The following MARK4 variants were observed in gnomAD, a reference collection of about 807,000 sequenced individuals.
MARK4 encodes microtubule affinity regulating kinase 4, also known as MAP/microtubule affinity-regulating kinase 4.
In MARK4, 19 loss-of-function variants were observed where a neutral mutation model predicts 81.5. That is an observed-to-expected ratio of 0.23 (90% CI 0.16 to 0.34). MARK4 has a LOEUF of 0.34. Ranked by LOEUF, MARK4 falls within the 10% of genes least tolerant of loss-of-function variation. The probability of loss-of-function intolerance (pLI) is 1.00; values close to 1 mark genes in which losing one functional copy is unlikely to be tolerated. For synonymous variants in MARK4, 436 were observed against 439.0 expected, an observed-to-expected ratio of 0.99 and a Z score of 0.08; for missense variants, 772 against 1,058.8, an observed-to-expected ratio of 0.73 and a Z score of 3.76.
chr19:45,257,614 C>T (rs1970324596), intron 1 of MARK4, among the ~76,000 whole-genome samples: 1 of 151,770 alleles, frequency 6.6e-6, no homozygotes, highest in Non-Finnish European at 1.5e-5. Context: ...ACACTCTGAC[C>T]TCAGGTGATC....
At chr19:45,278,301 G>A (rs1281507919) in intron 9 of MARK4, among the ~76,000 whole-genome samples, 2 of 152,124 alleles carry the variant, frequency 1.3e-5, no homozygotes, top group Non-Finnish European at 2.9e-5. Flanking sequence ...TGATTACAGG[G>A]TGCCAGGGAC....
chr19:45,261,634 A>G (rs945674825), intron 2 of MARK4, among the ~76,000 whole-genome samples: 1 of 152,180 alleles, frequency 6.6e-6, no homozygotes, highest in Non-Finnish European at 1.5e-5. Flanking sequence ...TTAAAAATAA[A>G]ATAAAAGTTT....
intron 13 of MARK4, among the ~76,000 whole-genome samples, chr19:45,289,760 ACT>A (rs1434128250): frequency 2.2e-4 from 33 of 149,276 alleles, no homozygotes; most frequent in South Asian, 4.2e-4. Flanking sequence ...ACAGAGCAAG[ACT>A]CTGTCTCAAA....
chr19:45,251,657 C>G lies in MARK4; in HGVS notation c.51+18C>G, dbSNP rs755800891. The G allele has an allele frequency of 1.8e-4, 271 of 1,521,120 alleles. No individual in the cohort carries two copies. Among genetic ancestry groups the G allele is most frequent in the Middle Eastern group, 1.4e-3 (8 of 5,910 alleles). 94.2% of individuals were successfully genotyped at this position (1,521,120 alleles called of 1,614,324 possible). A position where few individuals can be genotyped will look rare whatever the true frequency, so the allele number is the denominator to read the frequency against. Reference sequence around the variant, plus strand: ...CGGACACGGTGAGTGGGGCCCGGCCCCTTGGGGAGCCCTGGCTGGGTCCAG... The same window carrying G: ...CGGACACGGTGAGTGGGGCCCGGCCGCTTGGGGAGCCCTGGCTGGGTCCAG... On this transcript the variant is annotated intron_variant, in intron 1 of 16. Coordinates refer to ENST00000262891, the MANE Select transcript of MARK4 (RefSeq NM_001199867.2).
chr19:45,270,710 G>T (rs945002588), intron 7 of MARK4, among the ~76,000 whole-genome samples: 1 of 151,806 alleles, frequency 6.6e-6, no homozygotes, highest in Admixed American at 6.6e-5. Context: ...AGCAATTTTT[G>T]TGCCTCAGCC....
intron 6 of MARK4, among the ~76,000 whole-genome samples, chr19:45,265,835 G>A (rs1410070968): frequency 1.3e-5 from 2 of 151,798 alleles, no homozygotes; most frequent in South Asian, 2.1e-4. Flanking sequence ...CGGGCATGTC[G>A]GCTAGGAAGA....
chr19:45,294,274 C>CAGAGAAGGGAAGAG (rs1970856710), intron 13 of MARK4, 75 bp from the exon 14 acceptor site: 1 of 1,377,324 alleles, frequency 7.3e-7, no homozygotes, highest in Non-Finnish European at 1.0e-6. Flanking sequence ...ATGGGGAGGG[C>CAGAGAAGGGAAGAG]AGAGAAGGGA....
intron 1 of MARK4, among the ~76,000 whole-genome samples, chr19:45,251,945 G>T (rs1354941991): frequency 1.3e-5 from 2 of 150,970 alleles, no homozygotes; most frequent in South Asian, 4.2e-4. Flanking sequence ...CCCTTCTCTT[G>T]CCTGTGCTAA....
chr19:45,263,866 A>G (rs2123038838), intron 4 of MARK4, among the ~76,000 whole-genome samples: 1 of 152,218 alleles, frequency 6.6e-6, no homozygotes, highest in Non-Finnish European at 1.5e-5. Flanking sequence ...TAGGGGTGAT[A>G]AGAGGGCCTA....
At position 45,280,577 on chromosome 19, in the gene MARK4, G is replaced by A; in HGVS notation, c.1119G>A (p.Glu373=). ...TYLLLGRKTE[E]GGDRGAPGLA... ...CCTCATCTGTCATCCTCTCGCAGGA[G>A]GGTGGGGACCGGGGCGCCCCAGGGC... is the stretch of plus-strand genomic sequence containing the variant. Residue 373 remains glutamate, a splice_region_variant and synonymous_variant, in exon 12 of 17, where the codon GAG becomes GAA. Coordinates refer to ENST00000262891, the MANE Select transcript of MARK4 (RefSeq NM_001199867.2). 4 of 1,613,842 alleles carry A rather than the reference G, an allele frequency of 2.5e-6. No homozygotes were observed. Among genetic ancestry groups the A allele is most frequent in the Non-Finnish European group, 3.4e-6 (4 of 1,179,844 alleles).
At chr19:45,282,310 A>G (rs1226952719) in intron 12 of MARK4, among the ~76,000 whole-genome samples, 4 of 151,608 alleles carry the variant, frequency 2.6e-5, no homozygotes, top group African/African-American at 4.8e-5. Flanking sequence ...TCACCCACAC[A>G]CTCATCAAAT....
At chr19:45,280,807 C>T in intron 12 of MARK4, 73 bp downstream of exon 12, 6 of 1,572,226 alleles carry the variant, frequency 3.8e-6, no homozygotes, top group Non-Finnish European at 5.2e-6. Context: ...CGTCAGGGTT[C>T]TCTGATTGGC....
At chr19:45,253,834 C>T (rs144742475) in intron 1 of MARK4, among the ~76,000 whole-genome samples, 2 of 152,128 alleles carry the variant, frequency 1.3e-5, no homozygotes, top group South Asian at 4.1e-4. Flanking sequence ...CTGTTTCTGT[C>T]CCTCCCTAGC....
At position 45,297,376 on chromosome 19, in the gene MARK4, T is replaced by G. The variant is rs112697699; in HGVS notation, c.1599-300T>G. On this transcript the variant is annotated intron_variant, in intron 14 of 16. Transcript: ENST00000262891. Reference sequence around the variant, plus strand: ...AGCAAGGAAGTCACCCAAAAATGTCTGTGCATCTATTCAGTTGCTGCGTTT... The same window carrying G: ...AGCAAGGAAGTCACCCAAAAATGTCGGTGCATCTATTCAGTTGCTGCGTTT... 2.4e-3 allele frequency among the ~76,000 whole-genome samples: 362 copies of G among 152,336 alleles called. 1 individual carries two copies. The highest frequency in any genetic ancestry group is 8.2e-3 in the African/African-American group (341 of 41,584).
chr19:45,287,762 T>C, intron 13 of MARK4, 98 bp downstream of exon 13: 1 of 1,322,718 alleles, frequency 7.6e-7, no homozygotes, highest in Non-Finnish European at 1.1e-6. Flanking sequence ...AACTCCTTCT[T>C]ACCAACTCCT....
At position 45,277,824 on chromosome 19, in the gene MARK4, TG is replaced by T. The variant is rs1461049098; in HGVS notation, c.787-98del. ...CTATCAAAGGGGTTGGGACAAAGGT[TG>T]TGTGTGTGTGTGTGTGTGTGTGTGT... On this transcript the variant is annotated intron_variant, in intron 8 of 16. Coordinates refer to ENST00000262891, the MANE Select transcript of MARK4 (RefSeq NM_001199867.2). The T allele has an allele frequency of 0.042, 756 of 18,140 alleles. 10 individuals carry two copies. The East Asian group carries it at 0.46, about 11-fold the overall frequency. The allele number at this position is 18,140 out of a possible 1,614,324, so 1.1% of individuals were successfully genotyped here.
chr19:45,279,567 T>G (rs1970645206), intron 10 of MARK4, among the ~76,000 whole-genome samples: 1 of 152,218 alleles, frequency 6.6e-6, no homozygotes, highest in Non-Finnish European at 1.5e-5. Context: ...CCGGAATTAC[T>G]TTTGTATCAA....
intron 14 of MARK4, among the ~76,000 whole-genome samples, chr19:45,295,638 G>T (rs1013261557): frequency 6.6e-6 from 1 of 152,148 alleles, no homozygotes; most frequent in Non-Finnish European, 1.5e-5. Context: ...AGCCAGGAAC[G>T]ATGTCATGTG....
At chr19:45,256,086 G>A (rs12976518) in intron 1 of MARK4, among the ~76,000 whole-genome samples, 68,156 of 152,106 alleles carry the variant, frequency 0.45, 16,482 homozygotes, top group Non-Finnish European at 0.55. Context: ...AGAAGCAACA[G>A]TGTTTCCCAT....
Sources: gnomAD v4.1 joint callset for allele counts (sites outside exome capture counted in the v4.1 genomes callset) on GRCh38, gnomAD v4.1.1 for gene constraint, MANE v1.5 for transcripts, NCBI Gene and HGNC (gene_info 2026-07-23, HGNC 2026-07-21) for gene names.